Variants in CDH6 observed in about 807,000 individuals in gnomAD.
CDH6 encodes cadherin 6.
In CDH6, 31 loss-of-function variants were observed where a neutral mutation model predicts 78.0. The observed-to-expected ratio is 0.40, with a 90% CI of 0.30 to 0.54. The LOEUF is 0.54. Ranked by LOEUF, CDH6 falls within the 20% of genes least tolerant of loss-of-function variation. The pLI is 0.56. For missense variants in CDH6, 724 were observed against 975.9 expected, an observed-to-expected ratio of 0.74 and a Z score of 3.44; for synonymous variants, 376 against 368.8, an observed-to-expected ratio of 1.02 and a Z score of -0.23.
chr5:31,300,791 G>T (rs553193068), intron 5 of CDH6, among the ~76,000 whole-genome samples: 1 of 152,266 alleles, frequency 6.6e-6, no homozygotes, highest in Non-Finnish European at 1.5e-5. Context: ...GTTAGAAAGG[G>T]GCAGGAGGCC....
intron 1 of CDH6, among the ~76,000 whole-genome samples, chr5:31,236,055 G>A (rs1214329705): frequency 2.6e-5 from 4 of 151,966 alleles, no homozygotes; most frequent in African/African-American, 9.7e-5. Context: ...GAAAACATTT[G>A]TCAGATTTTT....
chr5:31,272,539 T>A (rs1463387172), intron 2 of CDH6, among the ~76,000 whole-genome samples: 1 of 152,188 alleles, frequency 6.6e-6, no homozygotes, highest in African/African-American at 2.4e-5. Flanking sequence ...AGAGCACAGG[T>A]AGACGTAGAT....
At chr5:31,271,631 G>A (rs1011443046) in intron 2 of CDH6, among the ~76,000 whole-genome samples, 3 of 152,164 alleles carry the variant, frequency 2.0e-5, no homozygotes, top group African/African-American at 4.8e-5. Context: ...GTCCTGTGTC[G>A]GGTAAGTTTC....
Position 31,328,347 on chromosome 5 carries a change from G to A in CDH6, c.*5039G>A. On this transcript the variant is annotated 3_prime_UTR_variant, in exon 12 of 12. Transcript: ENST00000265071. ...CTACGTTATTTATGTAAATATGTCTGGAGGCACCTTCTCTAAGCTTTTAGT... is the reference window on the plus strand; with the variant it reads ...CTACGTTATTTATGTAAATATGTCTAGAGGCACCTTCTCTAAGCTTTTAGT... 5.0e-6 allele frequency: 1 copy of A among 200,322 alleles called. No homozygotes were observed. The highest frequency in any genetic ancestry group is 1.0e-5 in the Non-Finnish European group (1 of 97,222). 12.4% of individuals were successfully genotyped at this position (200,322 alleles called of 1,614,324 possible). A position where few individuals can be genotyped will look rare whatever the true frequency, so the allele number is the denominator to read the frequency against.
intron 11 of CDH6, chr5:31,318,128 G>T: frequency 3.1e-6 from 2 of 634,950 alleles, no homozygotes; most frequent in South Asian, 1.9e-5. Flanking sequence ...TGTGAAACTT[G>T]CTCGTGTCTT....
At chr5:31,297,432 T>C in intron 4 of CDH6, 24 bp downstream of exon 4, 3 of 1,545,418 alleles carry the variant, frequency 1.9e-6, no homozygotes, top group Non-Finnish European at 2.6e-6. Context: ...ATCTTCCTTT[T>C]TATAATCTAT....
chr5:31,257,124 C>T (rs897958804), intron 1 of CDH6, among the ~76,000 whole-genome samples: 2 of 152,318 alleles, frequency 1.3e-5, no homozygotes, highest in Non-Finnish European at 2.9e-5. Flanking sequence ...GTATTTGTAA[C>T]ATGGTGATAC....
At chr5:31,321,003 T>C (rs1377220699) in intron 11 of CDH6, among the ~76,000 whole-genome samples, 2 of 151,592 alleles carry the variant, frequency 1.3e-5, no homozygotes, top group African/African-American at 4.9e-5. Flanking sequence ...AAAACTGTGC[T>C]GTATGTTCAT....
At position 31,299,102 on chromosome 5, in the gene CDH6, T is replaced by C. The variant is rs1737684845; in HGVS notation, c.644-362T>C. On this transcript the variant is annotated intron_variant, in intron 4 of 11. Transcript: ENST00000265071. ...TATCAAGCATATTATAGTATACCTT[T>C]ATACCACAAGCCATTTTAGATTCTG... Among the ~76,000 whole-genome samples, 2 of 152,214 alleles carry C rather than the reference T, an allele frequency of 1.3e-5. 1 individual carries two copies. Among genetic ancestry groups the C allele is most frequent in the African/African-American group, 4.8e-5 (2 of 41,460 alleles).
chr5:31,227,230 A>G (rs62348912), intron 1 of CDH6, among the ~76,000 whole-genome samples: 46,609 of 151,920 alleles, frequency 0.31, 7,733 homozygotes, highest in Middle Eastern at 0.44. Flanking sequence ...TACGGCGGGA[A>G]AGCACCTCCG....
At position 31,327,262 on chromosome 5, in the gene CDH6, T is replaced by G; in HGVS notation, c.*3954T>G. The G allele has an allele frequency of 5.3e-6, 1 of 188,304 alleles. No homozygotes were observed. Among genetic ancestry groups the G allele is most frequent in the Non-Finnish European group, 1.1e-5 (1 of 89,340 alleles). The allele number at this position is 188,304 out of a possible 1,614,324, so 11.7% of individuals were successfully genotyped here. ...TCAAAGTTGATTCCTGGGTGCCAAC[T>G]AAATATTCAAATCAGGTACTCATCC... On this transcript the variant is annotated 3_prime_UTR_variant, in exon 12 of 12. Transcript: ENST00000265071.
At chr5:31,256,247 A>C (rs1347397784) in intron 1 of CDH6, among the ~76,000 whole-genome samples, 1 of 152,204 alleles carries the variant, frequency 6.6e-6, no homozygotes, top group Non-Finnish European at 1.5e-5. Flanking sequence ...GTAAGTAATG[A>C]GTGATTTACT....
chr5:31,235,809 T>C (rs932856555), intron 1 of CDH6, among the ~76,000 whole-genome samples: 4 of 152,212 alleles, frequency 2.6e-5, no homozygotes, highest in African/African-American at 9.6e-5. Flanking sequence ...AGCCACATTC[T>C]AGAATATTGT....
intron 2 of CDH6, among the ~76,000 whole-genome samples, chr5:31,283,662 A>G (rs1742925716): frequency 6.6e-6 from 1 of 152,132 alleles, no homozygotes; most frequent in African/African-American, 2.4e-5. Context: ...TATTTACACC[A>G]TTATAAAAAT....
intron 2 of CDH6, among the ~76,000 whole-genome samples, chr5:31,289,386 G>A (rs1010729006): frequency 5.3e-5 from 8 of 152,146 alleles, no homozygotes; most frequent in Admixed American, 4.6e-4. Context: ...GAACACATAG[G>A]TTGGTTCCAT....
chr5:31,254,504 A>G (rs555898311), intron 1 of CDH6, among the ~76,000 whole-genome samples: 1 of 152,314 alleles, frequency 6.6e-6, no homozygotes, highest in Admixed American at 6.5e-5. Context: ...GTGCTTAGTT[A>G]AGATGGAAAA....
At chr5:31,252,328 G>GGGGTGTGTGT (rs1554006113) in intron 1 of CDH6, among the ~76,000 whole-genome samples, 1 of 148,924 alleles carries the variant, frequency 6.7e-6, no homozygotes, top group African/African-American at 2.5e-5. Context: ...ATGTGTGTGT[G>GGGGTGTGTGT]GTGTGTGTGT....
At chr5:31,274,065 C>G (rs1355858895) in intron 2 of CDH6, among the ~76,000 whole-genome samples, 1 of 152,190 alleles carries the variant, frequency 6.6e-6, no homozygotes, top group Non-Finnish European at 1.5e-5. Flanking sequence ...AGCCATTTAA[C>G]TAACATTTTT....
At position 31,317,662 on chromosome 5, in the gene CDH6, T is replaced by G; in HGVS notation, c.1631-11T>G. The G allele has an allele frequency of 6.2e-7, 1 of 1,604,318 alleles. No individual in the cohort carries two copies. Among genetic ancestry groups the G allele is most frequent in the Non-Finnish European group, 8.5e-7 (1 of 1,172,986 alleles). ...TCCACATACATTCACCACTTTGCTTTCCGGTTCCAGACAACACGGCGGGAA... is the reference window on the plus strand; with the variant it reads ...TCCACATACATTCACCACTTTGCTTGCCGGTTCCAGACAACACGGCGGGAA... On this transcript the variant is annotated splice_polypyrimidine_tract_variant and intron_variant, in intron 10 of 11. Coordinates refer to ENST00000265071, the MANE Select transcript of CDH6 (RefSeq NM_004932.4).
Sources: gnomAD v4.1 joint callset for allele counts (sites outside exome capture counted in the v4.1 genomes callset) on GRCh38, gnomAD v4.1.1 for gene constraint, MANE v1.5 for transcripts, NCBI Gene and HGNC (gene_info 2026-07-23, HGNC 2026-07-21) for gene names.